The following SLC41A3 variants were observed in gnomAD, a reference collection of about 807,000 sequenced individuals.
SLC41A3 encodes the protein SLC41A1-like 2.
A neutral mutation model predicts 45.4 loss-of-function variants in SLC41A3; 44 were observed. The observed-to-expected ratio is 0.97, with a 90% CI of 0.76 to 1.25. The LOEUF (loss-of-function observed/expected upper bound fraction) is 1.25. SLC41A3 is among the 50% of genes most tolerant of loss of function. The probability of loss-of-function intolerance (pLI) is 0.00; values close to 1 mark genes in which losing one functional copy is unlikely to be tolerated. For missense variants in SLC41A3, 550 were observed against 600.6 expected (o/e 0.92, Z 0.88); for synonymous variants, 256 against 252.4 (o/e 1.01, Z -0.13).
At chr3:126,085,083 T>C (rs1945347808), upstream of SLC41A3, among the ~76,000 whole-genome samples, 1 of 152,380 alleles carries the variant, frequency 6.6e-6, no homozygotes, top group East Asian at 1.9e-4. Context: ...CCCAGGTCTT[T>C]GGACAAACTC....
intron 3 of SLC41A3, among the ~76,000 whole-genome samples, chr3:126,037,441 G>C (rs971838558): frequency 2.0e-5 from 3 of 152,148 alleles, no homozygotes; most frequent in Admixed American, 2.0e-4. Context: ...TGAGGTCTCA[G>C]GTGGAAATGA....
chr3:126,020,227 G>A (rs893643695), intron 6 of SLC41A3, among the ~76,000 whole-genome samples: 10 of 152,230 alleles, frequency 6.6e-5, no homozygotes, highest in Admixed American at 6.5e-4. Context: ...GTCCCTAGGT[G>A]GCCCTGGGCA....
intron 6 of SLC41A3, among the ~76,000 whole-genome samples, chr3:126,018,083 C>T (rs1940488534): frequency 6.6e-6 from 1 of 152,192 alleles, no homozygotes; most frequent in Non-Finnish European, 1.5e-5. Flanking sequence ...CAACTACACC[C>T]AGCAGGTATT....
At chr3:126,099,966 C>T (rs190513429) in intron 1 of SLC41A3, among the ~76,000 whole-genome samples, 1 of 152,294 alleles carries the variant, frequency 6.6e-6, no homozygotes, top group East Asian at 1.9e-4. Flanking sequence ...AATGGATGTG[C>T]AGTCCAACCT....
intron 7 of SLC41A3, among the ~76,000 whole-genome samples, chr3:126,015,919 C>G (rs970836327): frequency 6.6e-6 from 1 of 152,212 alleles, no homozygotes; most frequent in African/African-American, 2.4e-5. Context: ...AAAACAGAAC[C>G]TGCAGGAGGA....
chr3:126,038,863 G>A (rs147281370), intron 3 of SLC41A3, among the ~76,000 whole-genome samples: 3,206 of 152,280 alleles, frequency 0.021, 79 homozygotes, highest in African/African-American at 0.057. Context: ...CCCAGTGTTG[G>A]AGGTGGGGCC....
chr3:126,056,341 A>G, intron 2 of SLC41A3: 1 of 1,612,002 alleles, frequency 6.2e-7, no homozygotes, highest in Non-Finnish European at 8.5e-7. Flanking sequence ...CTGATCCCCC[A>G]AACACCCAGT....
At chr3:126,012,868 C>A (rs1939865145) in intron 8 of SLC41A3, 119 bp from the exon 9 acceptor site, 1 of 1,439,534 alleles carries the variant, frequency 6.9e-7, no homozygotes, top group Non-Finnish European at 9.3e-7. Context: ...ATTTCATTAT[C>A]TTTTCCTTTC....
In SLC41A3 at chr3:126,027,247, C is replaced by T. The variant is rs192156083; in HGVS notation, c.454-768G>A. The stretch of plus-strand genomic sequence containing the variant: ...GCAGTTTCTCATGGTTTAACATCAC[C>T]GCCACCCCCACCCCCCACCCTGTCC... On this transcript the variant is annotated intron_variant, in intron 4 of 10. Transcript: ENST00000360370. Among the ~76,000 whole-genome samples, 156 of 148,962 alleles carry T rather than the reference C, an allele frequency of 1.0e-3. 2 individuals carry two copies. Among genetic ancestry groups the T allele is most frequent in the African/African-American group, 3.5e-3 (141 of 40,212 alleles).
chr3:126,059,299 A>AG (rs1943914545), intron 2 of SLC41A3, among the ~76,000 whole-genome samples: 7 of 124,108 alleles, frequency 5.6e-5, no homozygotes, highest in East Asian at 2.2e-4. Context: ...AGAAAGAAAG[A>AG]AAGAAAGAAA....
chr3:126,091,995 G>C lies in SLC41A3; in HGVS notation c.-79+9434C>G, dbSNP rs190786434. Among the ~76,000 whole-genome samples the C allele has an allele frequency of 9.2e-5, 14 of 152,268 alleles. No homozygotes were observed. The East Asian group carries it at 2.7e-3, about 29-fold the overall frequency. Reference sequence around the variant, plus strand: ...CATCATGGCCTGAACTACTTTTTCAGGTTAATTTCAGGTCCTTGGCCAAGA... The same window carrying C: ...CATCATGGCCTGAACTACTTTTTCACGTTAATTTCAGGTCCTTGGCCAAGA... On this transcript the variant is annotated intron_variant, in intron 1 of 9. Transcript: ENST00000508835.
chr3:126,083,548 C>T (rs774219768), intron 1 of SLC41A3, among the ~76,000 whole-genome samples: 10 of 152,132 alleles, frequency 6.6e-5, no homozygotes, highest in African/African-American at 2.4e-4. Flanking sequence ...ACCGAGCCCA[C>T]CCAGGACAGT....
intron 2 of SLC41A3, among the ~76,000 whole-genome samples, chr3:126,062,615 G>A (rs1463862543): frequency 6.6e-6 from 1 of 152,234 alleles, no homozygotes; most frequent in Non-Finnish European, 1.5e-5. Context: ...TACATGTGGT[G>A]CGAGGCCTGG....
chr3:126,016,589 A>G, intron 7 of SLC41A3, 142 bp downstream of exon 7: 1 of 1,084,002 alleles, frequency 9.2e-7, no homozygotes, highest in Non-Finnish European at 1.3e-6. Context: ...GTATGATTCA[A>G]TCAGCAATGG....
chr3:126,080,148 T>C (rs1233280834), intron 1 of SLC41A3, among the ~76,000 whole-genome samples: 1 of 152,174 alleles, frequency 6.6e-6, no homozygotes, highest in Non-Finnish European at 1.5e-5. Flanking sequence ...TGCAGGACAT[T>C]GGTCTGGGCA....
Position 126,015,569 on chromosome 3 carries a change from C to T in SLC41A3, c.895G>A (p.Gly299Arg), listed in dbSNP as rs1259402534. 15 of 1,614,008 alleles carry T rather than the reference C, an allele frequency of 9.3e-6. No homozygotes were observed. The highest frequency in any genetic ancestry group is 1.1e-5 in the Non-Finnish European group (13 of 1,180,004). Residue 299 changes from glycine (G) to arginine (R), a missense_variant, in exon 8 of 11, where the codon GGA becomes AGA. Coordinates refer to ENST00000360370, the MANE Select transcript of SLC41A3 (RefSeq NM_017836.4). ...IILAMVISSF[G>R]GLILSKTVSK... ...ACGGTTTTGCTCAAGATGAGTCCTC[C>T]GAAACTGGGGAAATAGCAGACAGCA...
At chr3:126,087,985 CTG>C (rs1166832432), upstream of SLC41A3, among the ~76,000 whole-genome samples, 1 of 152,102 alleles carries the variant, frequency 6.6e-6, no homozygotes, top group Non-Finnish European at 1.5e-5. Flanking sequence ...ACTCTATAAT[CTG>C]TCTCTTTGAC....
intron 3 of SLC41A3, among the ~76,000 whole-genome samples, chr3:126,041,450 A>G (rs938245378): frequency 2.2e-4 from 33 of 152,330 alleles, no homozygotes; most frequent in African/African-American, 7.9e-4. Flanking sequence ...AAATCTCCAA[A>G]AAGTCCAGAT....
intron 7 of SLC41A3, among the ~76,000 whole-genome samples, chr3:126,016,004 C>A (rs1319907472): frequency 6.6e-6 from 1 of 152,188 alleles, no homozygotes; most frequent in East Asian, 1.9e-4. Context: ...TGTAGTTTAG[C>A]AAAAGCTTTC....
Sources: gnomAD v4.1 joint callset for allele counts (sites outside exome capture counted in the v4.1 genomes callset) on GRCh38, gnomAD v4.1.1 for gene constraint, MANE v1.5 for transcripts, NCBI Gene and HGNC (gene_info 2026-07-23, HGNC 2026-07-21) for gene names.